ADCY2: variants seen among roughly 807,000 people sequenced by gnomAD.
The protein encoded by ADCY2 is adenylate cyclase 2.
In ADCY2, 31 loss-of-function variants were observed where a neutral mutation model predicts 125.2. The observed-to-expected ratio is 0.25, with a 90% CI of 0.19 to 0.33. The LOEUF (loss-of-function observed/expected upper bound fraction) is 0.33, where lower values mean the gene tolerates loss of function less well. Ranked by LOEUF, ADCY2 falls within the 10% of genes least tolerant of loss-of-function variation. ADCY2 has a pLI of 1.00. For synonymous variants in ADCY2, 512 were observed against 548.4 expected (o/e 0.93, Z 0.93); for missense variants, 904 against 1,418.2 (o/e 0.64, Z 5.82).
intron 3 of ADCY2, among the ~76,000 whole-genome samples, chr5:7,528,281 G>A (rs1230775828): frequency 6.6e-6 from 1 of 152,062 alleles, no homozygotes; most frequent in African/African-American, 2.4e-5. Context: ...GTTTTGGTAG[G>A]GCCAGTGAAC....
chr5:7,460,792 C>T (rs947164423), intron 2 of ADCY2, among the ~76,000 whole-genome samples: 11 of 151,982 alleles, frequency 7.2e-5, no homozygotes, highest in East Asian at 3.9e-4. Flanking sequence ...TTCCTTTAGA[C>T]GAAGGGCAGG....
At chr5:7,681,727 G>T (rs1740345731) in intron 4 of ADCY2, among the ~76,000 whole-genome samples, 1 of 152,050 alleles carries the variant, frequency 6.6e-6, no homozygotes, top group Non-Finnish European at 1.5e-5. Flanking sequence ...GATACTTGTG[G>T]TACTCGCCCC....
At chr5:7,494,776 A>G (rs955953652) in intron 2 of ADCY2, among the ~76,000 whole-genome samples, 1 of 152,194 alleles carries the variant, frequency 6.6e-6, no homozygotes, top group Middle Eastern at 3.2e-3. Flanking sequence ...CCAAGGTGTC[A>G]AGTAACAGAA....
In ADCY2 at chr5:7,709,047, A is replaced by G. The variant is rs1031329538; in HGVS notation, c.1402-164A>G. 6.6e-6 allele frequency among the ~76,000 whole-genome samples: 1 copy of G among 152,156 alleles called. No homozygotes were observed. Among genetic ancestry groups the G allele is most frequent in the Non-Finnish European group, 1.5e-5 (1 of 68,026 alleles). ...GCTGAAAAAAGATTCCCTCAACTCA[A>G]ATAGTGTGTTCCCCAGTAACACTGA... On this transcript the variant is annotated intron_variant, in intron 9 of 24. Transcript: ENST00000338316. The surrounding 1 kb of genome is among the most constrained non-coding windows in gnomAD (Gnocchi z 4.4).
chr5:7,623,960 G>A (rs554407138), intron 3 of ADCY2, among the ~76,000 whole-genome samples: 1 of 152,302 alleles, frequency 6.6e-6, no homozygotes, highest in East Asian at 1.9e-4. Context: ...AAATATAGAT[G>A]CATAACTGGA....
At chr5:7,486,123 T>A (rs529199961) in intron 2 of ADCY2, among the ~76,000 whole-genome samples, 1 of 152,314 alleles carries the variant, frequency 6.6e-6, no homozygotes, top group Admixed American at 6.5e-5. Flanking sequence ...CTGGGGAAAC[T>A]TTGTCTCTAG....
intron 3 of ADCY2, among the ~76,000 whole-genome samples, chr5:7,559,503 A>G (rs1323584406): frequency 6.6e-6 from 1 of 152,144 alleles, no homozygotes; most frequent in African/African-American, 2.4e-5. Flanking sequence ...TAGGAATGCT[A>G]GTGACTATTG....
chr5:7,666,426 G>C lies in ADCY2; in HGVS notation c.721-24265G>C, dbSNP rs185696794. ...TGGGACTACAGGCGCCCGCCACCAC[G>C]CCCGGCTAATTTTTTATATTTTTAG... On this transcript the variant is annotated intron_variant, in intron 4 of 24. Coordinates refer to ENST00000338316, the MANE Select transcript of ADCY2 (RefSeq NM_020546.3). 3.3e-5 allele frequency among the ~76,000 whole-genome samples: 5 copies of C among 151,718 alleles called. No individual in the cohort carries two copies. The South Asian group carries it at 8.4e-4, about 25-fold the overall frequency.
At chr5:7,579,576 C>A (rs1051467767) in intron 3 of ADCY2, among the ~76,000 whole-genome samples, 1 of 152,116 alleles carries the variant, frequency 6.6e-6, no homozygotes. Context: ...AGCTGCTGCC[C>A]GCTGTGGGAG....
At chr5:7,642,582 T>C (rs1738747964) in intron 4 of ADCY2, among the ~76,000 whole-genome samples, 1 of 152,098 alleles carries the variant, frequency 6.6e-6, no homozygotes, top group African/African-American at 2.4e-5. Context: ...GAGGACATAG[T>C]CATAAATTAT....
intron 3 of ADCY2, among the ~76,000 whole-genome samples, chr5:7,558,077 G>A (rs1735588526): frequency 6.6e-6 from 1 of 151,162 alleles, no homozygotes; most frequent in Non-Finnish European, 1.5e-5. Context: ...TTTTGAGATG[G>A]AGTCTCACTC....
chr5:7,593,590 A>T (rs1736915553), intron 3 of ADCY2, among the ~76,000 whole-genome samples: 1 of 152,258 alleles, frequency 6.6e-6, no homozygotes, highest in Non-Finnish European at 1.5e-5. Flanking sequence ...ATCTGCTAAA[A>T]CTCACTCAAA....
chr5:7,816,390 C>A (rs1198332039), intron 22 of ADCY2, among the ~76,000 whole-genome samples: 1 of 152,206 alleles, frequency 6.6e-6, no homozygotes, highest in Non-Finnish European at 1.5e-5. Flanking sequence ...TCCCTGCTCT[C>A]TTTTTCCACT....
At chr5:7,566,404 G>T (rs1444403090) in intron 3 of ADCY2, among the ~76,000 whole-genome samples, 2 of 152,150 alleles carry the variant, frequency 1.3e-5, no homozygotes, top group South Asian at 2.1e-4. Flanking sequence ...GCCAAGGTGG[G>T]AGGATCGCTT....
At chr5:7,397,719 C>T (rs2111429598) in intron 1 of ADCY2, among the ~76,000 whole-genome samples, 1 of 152,090 alleles carries the variant, frequency 6.6e-6, no homozygotes, top group Non-Finnish European at 1.5e-5. Context: ...AAAAAATTCC[C>T]CCACACCACT....
chr5:7,519,097 C>T (rs1744352116), intron 2 of ADCY2, among the ~76,000 whole-genome samples: 1 of 152,162 alleles, frequency 6.6e-6, no homozygotes, highest in Non-Finnish European at 1.5e-5. Context: ...GGCTATGTCT[C>T]CTGAATCTTT....
At chr5:7,460,681 CTAAG>C (rs1293768052) in intron 2 of ADCY2, among the ~76,000 whole-genome samples, 1 of 151,926 alleles carries the variant, frequency 6.6e-6, no homozygotes. Flanking sequence ...TTTTTGTACA[CTAAG>C]TGTCTTAATT....
rs116715207 is a variant in ADCY2, at chr5:7,431,743, T to C, written c.408+16973T>C. ...ACTGACAACTTAATCATAAGACAAA[T>C]AACAACAAAAAACTAGCAAAACCTT... On this transcript the variant is annotated intron_variant, in intron 2 of 24. Transcript: ENST00000338316. Among the ~76,000 whole-genome samples, 714 of 152,116 alleles carry C rather than the reference T, an allele frequency of 4.7e-3. 3 individuals are homozygous for C. Among genetic ancestry groups the C allele is most frequent in the African/African-American group, 0.017 (694 of 41,496 alleles).
chr5:7,413,450 C>T (rs1356152662), intron 1 of ADCY2, among the ~76,000 whole-genome samples: 3 of 150,196 alleles, frequency 2.0e-5, no homozygotes, highest in African/African-American at 4.9e-5. Context: ...CCTGCCACCA[C>T]GCGCGGCTAA....
Sources: allele counts gnomAD v4.1 joint callset (sites outside exome capture counted in the v4.1 genomes callset), GRCh38; gene constraint gnomAD v4.1.1; non-coding constraint Gnocchi (gnomAD v3.1); transcripts MANE v1.5; gene names NCBI Gene and HGNC (gene_info 2026-07-23, HGNC 2026-07-21).